Variants in COL13A1 observed in about 807,000 individuals in gnomAD.
COL13A1 encodes collagen type XIII alpha 1 chain, also known as collagen alpha-1(XIII) chain.
COL13A1 carries 89 observed loss-of-function variants against 130.9 expected under a neutral mutation model. The ratio of observed to expected loss-of-function variants is 0.68; its 90% CI spans 0.57 to 0.81. COL13A1 has a LOEUF of 0.81. COL13A1 is among the 30% of genes least tolerant of loss of function. COL13A1 has a pLI of 0.00. For missense variants in COL13A1, 879 were observed against 934.6 expected (o/e 0.94, Z 0.78); for synonymous variants, 402 against 341.6 (o/e 1.18, Z -1.95).
At chr10:69,915,043 T>C (rs933336785) in intron 17 of COL13A1, among the ~76,000 whole-genome samples, 5 of 152,240 alleles carry the variant, frequency 3.3e-5, no homozygotes, top group African/African-American at 9.6e-5. Context: ...GATACTTGGG[T>C]TGGCCAAGAG....
At chr10:69,818,779 T>G (rs1411865385) in intron 1 of COL13A1, among the ~76,000 whole-genome samples, 1 of 152,238 alleles carries the variant, frequency 6.6e-6, no homozygotes, top group Non-Finnish European at 1.5e-5. Flanking sequence ...TTCCTCTACC[T>G]TGTTCTACTC....
chr10:69,809,058 T>A (rs887805886), intron 1 of COL13A1, among the ~76,000 whole-genome samples: 2 of 152,236 alleles, frequency 1.3e-5, no homozygotes, highest in South Asian at 4.1e-4. Flanking sequence ...GCTTCATTTT[T>A]ACCTGCCCCA....
chr10:69,812,698 A>G (rs1843374561), intron 1 of COL13A1, among the ~76,000 whole-genome samples: 1 of 152,234 alleles, frequency 6.6e-6, no homozygotes, highest in South Asian at 2.1e-4. Flanking sequence ...AATTAACATT[A>G]AGCTGGTGCA....
At chr10:69,903,885 C>T (rs1240166106) in intron 15 of COL13A1, among the ~76,000 whole-genome samples, 1 of 152,190 alleles carries the variant, frequency 6.6e-6, no homozygotes, top group Non-Finnish European at 1.5e-5. Flanking sequence ...GGCCTGTTTG[C>T]ATGTCTGGGC....
chr10:69,852,650 C>T (rs1008018088), intron 2 of COL13A1, among the ~76,000 whole-genome samples: 4 of 152,242 alleles, frequency 2.6e-5, no homozygotes, highest in Non-Finnish European at 5.9e-5. Context: ...AGTCCTCTGA[C>T]GAGCCTTGCA....
intron 37 of COL13A1, among the ~76,000 whole-genome samples, chr10:69,946,773 G>GA (rs1316024675): frequency 6.6e-6 from 1 of 152,042 alleles, no homozygotes; most frequent in Non-Finnish European, 1.5e-5. Context: ...GAGAAAACCA[G>GA]AACTGTGTTT....
At chr10:69,844,069 G>A (rs1216664119) in intron 2 of COL13A1, among the ~76,000 whole-genome samples, 3 of 152,214 alleles carry the variant, frequency 2.0e-5, no homozygotes, top group African/African-American at 7.2e-5. Context: ...AAAAAGAAAA[G>A]GAATAGCAAG....
At chr10:69,910,181 C>T (rs1014686020) in intron 17 of COL13A1, among the ~76,000 whole-genome samples, 2 of 152,124 alleles carry the variant, frequency 1.3e-5, no homozygotes, top group African/African-American at 4.8e-5. Flanking sequence ...CCTCCATGCT[C>T]TGCTCTCTGC....
rs183893805 is a variant in COL13A1 at position 69,897,510 on chromosome 10, C to T, written c.685-1187C>T. ...GCAGCATGCCAGCAGCTCTGCGCTC[C>T]AGCCAAATAATTGCCCTGAAGGTTT... is the stretch of plus-strand genomic sequence containing the variant. On this transcript the variant is annotated intron_variant, in intron 13 of 40. Coordinates refer to ENST00000645393, the MANE Select transcript of COL13A1 (RefSeq NM_001368882.1). 5 of 1,613,946 alleles carry T rather than the reference C, an allele frequency of 3.1e-6. No homozygotes were observed. The African/African-American group carries it at 4.0e-5, about 13-fold the overall frequency.
intron 1 of COL13A1, among the ~76,000 whole-genome samples, chr10:69,806,367 G>A (rs949702717): frequency 2.0e-5 from 3 of 152,226 alleles, no homozygotes; most frequent in Non-Finnish European, 2.9e-5. Flanking sequence ...GCTGCAGGGA[G>A]GGCCGGCCAA....
At chr10:69,893,053 T>C (rs2061334429) in intron 10 of COL13A1, among the ~76,000 whole-genome samples, 2 of 152,158 alleles carry the variant, frequency 1.3e-5, no homozygotes, top group Admixed American at 1.3e-4. Context: ...AGAACTTCAT[T>C]CTAAGCACTC....
chr10:69,905,621 G>A (rs2062669454), intron 16 of COL13A1, among the ~76,000 whole-genome samples, 166 bp from the exon 17 acceptor site: 2 of 152,198 alleles, frequency 1.3e-5, no homozygotes, highest in South Asian at 4.1e-4. Flanking sequence ...TGTCCTCAGA[G>A]GAAGCTAAGA....
chr10:69,924,033 C>A (rs991126714), intron 24 of COL13A1, among the ~76,000 whole-genome samples, 178 bp downstream of exon 24: 3 of 152,214 alleles, frequency 2.0e-5, no homozygotes, highest in African/African-American at 7.2e-5. Context: ...AGACAGCAGT[C>A]ATGCAAAAGC....
intron 1 of COL13A1, among the ~76,000 whole-genome samples, chr10:69,816,690 C>T (rs939744546): frequency 5.3e-5 from 8 of 152,070 alleles, no homozygotes; most frequent in African/African-American, 1.7e-4. Context: ...AGTGCGTGTC[C>T]TGGGAGCCAA....
chr10:69,854,563 C>A (rs200031816), intron 2 of COL13A1, among the ~76,000 whole-genome samples: 5 of 147,192 alleles, frequency 3.4e-5, no homozygotes, highest in African/African-American at 5.0e-5. Flanking sequence ...GACCCTGTCT[C>A]AAAAAAAAAA....
intron 19 of COL13A1, 84 bp downstream of exon 19, chr10:69,918,401 G>A (rs1445895980): frequency 4.9e-6 from 7 of 1,420,906 alleles, no homozygotes; most frequent in Non-Finnish European, 6.9e-6. Flanking sequence ...AGACTCAGTG[G>A]GGTGGCTGCC....
chr10:69,823,443 G>A (rs375691536), intron 2 of COL13A1, among the ~76,000 whole-genome samples: 2 of 152,136 alleles, frequency 1.3e-5, no homozygotes, highest in African/African-American at 2.4e-5. Context: ...GTTTTGGTCC[G>A]CTACTGGCCT....
At position 69,905,846 on chromosome 10, in the gene COL13A1, A is replaced by C. The variant is rs771260866; in HGVS notation, c.921+24A>C. 16 of 1,612,904 alleles carry C rather than the reference A, an allele frequency of 9.9e-6. No homozygotes were observed. In the South Asian group the frequency reaches 1.1e-4, roughly 11 times the overall value. The stretch of plus-strand genomic sequence containing the variant: ...AGGTAAGATGGAGGGGGAGGACCCA[A>C]GTGGGGCAGGACTTTGGACAAATCA... On this transcript the variant is annotated intron_variant, in intron 17 of 40. Transcript: ENST00000645393.
intron 1 of COL13A1, among the ~76,000 whole-genome samples, chr10:69,805,725 T>C (rs911644289): frequency 6.6e-6 from 1 of 152,160 alleles, no homozygotes; most frequent in Non-Finnish European, 1.5e-5. Flanking sequence ...GGGACCATCC[T>C]GGGCCTTTCC....
Sources: allele counts gnomAD v4.1 joint callset (sites outside exome capture counted in the v4.1 genomes callset), GRCh38; gene constraint gnomAD v4.1.1; transcripts MANE v1.5; gene names NCBI Gene and HGNC (gene_info 2026-07-23, HGNC 2026-07-21).